The following LRCH1 variants were observed in gnomAD, a reference collection of about 807,000 sequenced individuals.
LRCH1 encodes leucine-rich repeat and calponin homology domain-containing protein 1.
Under a neutral mutation model 94.9 loss-of-function variants are expected in LRCH1, and 23 were observed. The observed-to-expected ratio is 0.24, with a 90% CI of 0.17 to 0.34. LRCH1 has a LOEUF of 0.34. Among genes scored for constraint, LRCH1 ranks in the 10% least tolerant of loss-of-function variants. The pLI, the probability that LRCH1 is intolerant of heterozygous loss-of-function variation, is 1.00. For missense variants in LRCH1, 790 were observed against 945.9 expected, an observed-to-expected ratio of 0.84 and a Z score of 2.16; for synonymous variants, 364 against 354.9, an observed-to-expected ratio of 1.03 and a Z score of -0.29.
intron 1 of LRCH1, among the ~76,000 whole-genome samples, chr13:46,565,745 G>A (rs1420565081): frequency 6.6e-6 from 1 of 151,498 alleles, no homozygotes; most frequent in East Asian, 1.9e-4. Context: ...GGGAGGCGGA[G>A]GTTGCAGTGA....
chr13:46,643,418 A>C (rs1420997890), intron 1 of LRCH1, among the ~76,000 whole-genome samples: 1 of 152,130 alleles, frequency 6.6e-6, no homozygotes, highest in Non-Finnish European at 1.5e-5. Flanking sequence ...TCCTAGATTC[A>C]TTCCTTCCTT....
At chr13:46,611,647 T>A (rs1172882812) in intron 1 of LRCH1, among the ~76,000 whole-genome samples, 1 of 152,224 alleles carries the variant, frequency 6.6e-6, no homozygotes, top group Non-Finnish European at 1.5e-5. Flanking sequence ...AGTTGAGATA[T>A]GCTGTGAGTG....
chr13:46,662,464 C>A (rs1279251859), intron 2 of LRCH1, among the ~76,000 whole-genome samples: 1 of 152,174 alleles, frequency 6.6e-6, no homozygotes, highest in African/African-American at 2.4e-5. Context: ...TCTCTTTGAA[C>A]ATCCACAGTT....
intron 11 of LRCH1, among the ~76,000 whole-genome samples, chr13:46,703,480 G>A (rs1871593287): frequency 6.6e-6 from 1 of 152,142 alleles, no homozygotes; most frequent in Non-Finnish European, 1.5e-5. Context: ...AACTTAGTAT[G>A]TAACCAAGTC....
chr13:46,614,161 AAT>A (rs1320652125), intron 1 of LRCH1, among the ~76,000 whole-genome samples: 1 of 152,176 alleles, frequency 6.6e-6, no homozygotes, highest in East Asian at 1.9e-4. Flanking sequence ...GCAAATTTGT[AAT>A]ATATAATGCA....
intron 1 of LRCH1, among the ~76,000 whole-genome samples, chr13:46,610,407 A>G (rs1031827798): frequency 1.4e-4 from 21 of 151,622 alleles, no homozygotes; most frequent in Non-Finnish European, 1.2e-4. Context: ...CTATAGTTAT[A>G]TATTTTTTAT....
At position 46,728,849 on chromosome 13, in the gene LRCH1, C is replaced by A; in HGVS notation, c.1872C>A (p.Ser624Arg). The A allele has an allele frequency of 1.2e-6, 2 of 1,601,790 alleles. No individual in the cohort carries two copies. Among genetic ancestry groups the A allele is most frequent in the Non-Finnish European group, 1.7e-6 (2 of 1,172,368 alleles). ...EKELVEQLRE[S>R]IEMRLKVSLH... ...CTTCCTTCTGATTTCCCCAACAGAG[C>A]ATTGAGATGAGATTGAAGGTCAGTC... is the stretch of plus-strand genomic sequence containing the variant. The change falls in exon 18 of 20, where the codon AGC becomes AGA. Residue 624 changes from serine (S) to arginine (R), a missense_variant and splice_region_variant. Ser to Arg is a moderately radical substitution (Grantham distance 110). Around this residue, in one of 3 missense-constraint regions of LRCH1, gnomAD observed 460 missense variants for 508.9 expected, o/e 0.90. Coordinates refer to ENST00000389797, the MANE Select transcript of LRCH1 (RefSeq NM_001164211.2).
At chr13:46,624,595 T>C (rs2050921907) in intron 1 of LRCH1, among the ~76,000 whole-genome samples, 1 of 152,186 alleles carries the variant, frequency 6.6e-6, no homozygotes, top group South Asian at 2.1e-4. Flanking sequence ...TGAAAAGTCT[T>C]ACAGGCTATC....
intron 4 of LRCH1, among the ~76,000 whole-genome samples, chr13:46,685,260 T>C (rs994622573): frequency 7.2e-5 from 11 of 152,322 alleles, no homozygotes; most frequent in South Asian, 6.2e-4. Flanking sequence ...AATTACTTAG[T>C]GTCTACTGTG....
intron 19 of LRCH1, among the ~76,000 whole-genome samples, chr13:46,737,991 T>C (rs113363836): frequency 3.3e-5 from 5 of 152,356 alleles, no homozygotes; most frequent in African/African-American, 1.2e-4. Flanking sequence ...TAGGTAACTT[T>C]GATCTCAAAC....
At chr13:46,729,981 T>C (rs1466966349) in intron 18 of LRCH1, among the ~76,000 whole-genome samples, 2 of 152,084 alleles carry the variant, frequency 1.3e-5, no homozygotes, top group Non-Finnish European at 2.9e-5. Flanking sequence ...CACTCAGGGC[T>C]CTCTTCCTAG....
At chr13:46,567,008 GAC>G (rs2050191870) in intron 1 of LRCH1, among the ~76,000 whole-genome samples, 2 of 152,180 alleles carry the variant, frequency 1.3e-5, no homozygotes, top group Admixed American at 1.3e-4. Context: ...AAAAAATATA[GAC>G]ACACATTTGG....
At chr13:46,677,748 T>C (rs551975846) in intron 3 of LRCH1, among the ~76,000 whole-genome samples, 2 of 152,364 alleles carry the variant, frequency 1.3e-5, no homozygotes, top group South Asian at 4.1e-4. Context: ...AAATTCTCTA[T>C]TTTGTTTTTT....
chr13:46,698,966 G>A (rs978466557), intron 9 of LRCH1, among the ~76,000 whole-genome samples: 2 of 152,096 alleles, frequency 1.3e-5, no homozygotes, highest in Non-Finnish European at 2.9e-5. Context: ...GTTCCTTCCC[G>A]GCAGCCCCTG....
chr13:46,705,240 C>CTTTTTTTTTTTT (rs11483731), intron 12 of LRCH1, 28 bp from the exon 13 acceptor site: 5 of 1,511,648 alleles, frequency 3.3e-6, no homozygotes, highest in African/African-American at 2.8e-5. Flanking sequence ...CACTTTGTAT[C>CTTTTTTTTTTTT]TTTTTTTTTC....
intron 1 of LRCH1, among the ~76,000 whole-genome samples, chr13:46,622,597 T>C (rs1019939783): frequency 1.3e-5 from 2 of 152,152 alleles, no homozygotes; most frequent in Admixed American, 1.3e-4. Context: ...ACTATTTTAG[T>C]ACAACTAGTA....
rs2050018934 is a variant in LRCH1, at chr13:46,553,248, A to G, written c.-149A>G. The G allele has an allele frequency of 5.5e-6, 3 of 550,180 alleles. No homozygotes were observed. Among genetic ancestry groups the G allele is most frequent in the Non-Finnish European group, 9.4e-6 (3 of 319,260 alleles). 34.1% of individuals were successfully genotyped at this position (550,180 alleles called of 1,614,324 possible). Reference sequence around the variant, plus strand: ...CGCCTCCCCGCCCGCCCCCCATTCTACGCGCCTGCCCACACCCTCCTCCCC... The same window carrying G: ...CGCCTCCCCGCCCGCCCCCCATTCTGCGCGCCTGCCCACACCCTCCTCCCC... On this transcript the variant is annotated 5_prime_UTR_variant, in exon 1 of 20. Transcript: ENST00000389797.
intron 2 of LRCH1, among the ~76,000 whole-genome samples, chr13:46,661,703 C>T (rs980788793): frequency 6.6e-6 from 1 of 152,204 alleles, no homozygotes; most frequent in African/African-American, 2.4e-5. Flanking sequence ...ACACTAATAT[C>T]CATGCATGTT....
At chr13:46,635,906 T>C (rs897215346) in intron 1 of LRCH1, among the ~76,000 whole-genome samples, 1 of 152,112 alleles carries the variant, frequency 6.6e-6, no homozygotes, top group African/African-American at 2.4e-5. Context: ...CATGCCCCTC[T>C]CCAGCTTCCA....
Sources: gnomAD v4.1 joint callset for allele counts (sites outside exome capture counted in the v4.1 genomes callset) on GRCh38, gnomAD v4.1.1 for gene constraint, gnomAD v4.1.1 regional missense constraint, MANE v1.5 for transcripts, NCBI Gene and HGNC (gene_info 2026-07-23, HGNC 2026-07-21) for gene names.